Variants in LSAMP observed in about 807,000 individuals in gnomAD.
LSAMP encodes limbic system associated membrane protein.
Under a neutral mutation model 38.6 loss-of-function variants are expected in LSAMP, and 7 were observed. The observed-to-expected ratio is 0.18, with a 90% CI of 0.10 to 0.34. The LOEUF is 0.34. Ranked by LOEUF, LSAMP falls within the 10% of genes least tolerant of loss-of-function variation. The probability of loss-of-function intolerance (pLI) is 1.00; values close to 1 mark genes in which losing one functional copy is unlikely to be tolerated. For synonymous variants in LSAMP, 154 were observed against 166.8 expected (o/e 0.92, Z 0.59); for missense variants, 313 against 420.0 (o/e 0.75, Z 2.23).
At chr3:116,399,351 C>T (rs773897882) in intron 1 of LSAMP, among the ~76,000 whole-genome samples, 38 of 152,020 alleles carry the variant, frequency 2.5e-4, no homozygotes, top group Non-Finnish European at 5.3e-4. Flanking sequence ...ATTGGAGGTG[C>T]TTTTAAAGAT....
intron 1 of LSAMP, among the ~76,000 whole-genome samples, chr3:116,276,668 GAAAAATAAAAA>G (rs2047056212): frequency 3.3e-5 from 4 of 120,016 alleles, no homozygotes; most frequent in African/African-American, 1.4e-4. Flanking sequence ...ATAACCTATG[GAAAAATAAAAA>G]AAAAGAAAAA....
intron 2 of LSAMP, among the ~76,000 whole-genome samples, chr3:116,038,930 A>G (rs1002958701): frequency 6.6e-6 from 1 of 152,214 alleles, no homozygotes; most frequent in African/African-American, 2.4e-5. Context: ...CAGCATTAGA[A>G]TACTTTGCAT....
intron 1 of LSAMP, among the ~76,000 whole-genome samples, chr3:116,307,279 C>T (rs1391748005): frequency 6.6e-6 from 1 of 151,924 alleles, no homozygotes; most frequent in Non-Finnish European, 1.5e-5. Flanking sequence ...AAGTTCACCT[C>T]TATTTGGGTT....
intron 1 of LSAMP, among the ~76,000 whole-genome samples, chr3:116,421,554 AAGAAG>A (rs750773918): frequency 0.054 from 6,388 of 118,154 alleles, 191 homozygotes; most frequent in Middle Eastern, 0.12. Flanking sequence ...AAAAAAAAAA[AAGAAG>A]AAGAAGAAGA....
intron 3 of LSAMP, among the ~76,000 whole-genome samples, chr3:115,961,458 T>C (rs898078778): frequency 6.6e-6 from 1 of 152,228 alleles, no homozygotes; most frequent in Non-Finnish European, 1.5e-5. Context: ...TTTTTGTGTT[T>C]GTTTTTTTCC....
intron 6 of LSAMP, among the ~76,000 whole-genome samples, chr3:115,813,052 ATAT>A (rs1174040183): frequency 1.4e-4 from 22 of 152,254 alleles, no homozygotes; most frequent in South Asian, 1.2e-3. Flanking sequence ...ATATACACAC[ATAT>A]TATTGATCTT....
rs566050785 is a variant in LSAMP, at chr3:115,809,396, T to A, written c.*921A>T. The A allele has an allele frequency of 6.5e-6, 1 of 153,348 alleles. No homozygotes were observed. Among genetic ancestry groups the A allele is most frequent in the East Asian group, 1.9e-4 (1 of 5,210 alleles). The allele number at this position is 153,348 out of a possible 1,614,324, so 9.5% of individuals were successfully genotyped here. On this transcript the variant is annotated 3_prime_UTR_variant, in exon 7 of 7. Transcript: ENST00000490035. ...ACAGCCATGGATGTAGGGAGGACTC[T>A]GCTCCTTGCCTCTTTCCCCGCCATC...
intron 3 of LSAMP, among the ~76,000 whole-genome samples, chr3:115,854,452 T>C (rs1211163269): frequency 6.6e-6 from 1 of 151,602 alleles, no homozygotes; most frequent in Non-Finnish European, 1.5e-5. Flanking sequence ...CCGGCTAATT[T>C]TTTGTATTTT....
At chr3:115,969,277 A>C (rs1181026656) in intron 3 of LSAMP, among the ~76,000 whole-genome samples, 1 of 152,202 alleles carries the variant, frequency 6.6e-6, no homozygotes, top group East Asian at 1.9e-4. Flanking sequence ...TTCCCCTCAC[A>C]TGTATGTTTA....
intron 1 of LSAMP, among the ~76,000 whole-genome samples, chr3:116,121,829 A>G (rs926802293): frequency 2.6e-5 from 4 of 151,966 alleles, no homozygotes; most frequent in African/African-American, 9.7e-5. Context: ...ATGGCTTTGA[A>G]TGTGGCCCAA....
At chr3:115,886,587 G>A (rs1356579586) in intron 3 of LSAMP, among the ~76,000 whole-genome samples, 2 of 152,000 alleles carry the variant, frequency 1.3e-5, no homozygotes, top group East Asian at 3.9e-4. Flanking sequence ...TTTATTCCTA[G>A]GTTTTCCCTA....
chr3:116,326,619 C>T (rs922853868), intron 1 of LSAMP, among the ~76,000 whole-genome samples: 12 of 152,134 alleles, frequency 7.9e-5, no homozygotes, highest in African/African-American at 2.4e-4. Context: ...CCCTATTTTG[C>T]GTCTTCCTCA....
intron 1 of LSAMP, among the ~76,000 whole-genome samples, chr3:116,203,562 A>G (rs1353914186): frequency 1.3e-5 from 1 of 79,054 alleles, no homozygotes; most frequent in South Asian, 4.9e-4. Flanking sequence ...CCCCCACCCC[A>G]CCACAGTCCC....
intron 6 of LSAMP, among the ~76,000 whole-genome samples, chr3:115,826,696 A>T (rs992563111): frequency 6.6e-6 from 1 of 152,204 alleles, no homozygotes; most frequent in Non-Finnish European, 1.5e-5. Flanking sequence ...GATATTGTGC[A>T]TGTCAAATTA....
chr3:115,812,305 A>G (rs2107449348), intron 6 of LSAMP, among the ~76,000 whole-genome samples: 1 of 152,332 alleles, frequency 6.6e-6, no homozygotes. Flanking sequence ...TTATAGGATC[A>G]TATTAACAAA....
intron 2 of LSAMP, among the ~76,000 whole-genome samples, chr3:116,066,803 T>A (rs1707457440): frequency 6.6e-6 from 1 of 152,218 alleles, no homozygotes; most frequent in Non-Finnish European, 1.5e-5. Context: ...CTGTCACTGT[T>A]CCTAAGACCA....
intron 4 of LSAMP, among the ~76,000 whole-genome samples, chr3:115,842,861 A>G (rs1359037862): frequency 6.6e-6 from 1 of 152,248 alleles, no homozygotes; most frequent in Non-Finnish European, 1.5e-5. Flanking sequence ...TCCCTCCTCC[A>G]GTAGGTCATG....
intron 3 of LSAMP, among the ~76,000 whole-genome samples, chr3:115,869,739 A>C (rs544178325): frequency 2.6e-5 from 4 of 152,218 alleles, no homozygotes; most frequent in Non-Finnish European, 5.9e-5. Context: ...AACATTTTCT[A>C]TGTCTGGTGA....
rs141827370 is a variant in LSAMP, at chr3:116,402,970, C to T, written c.155+41907G>A. Among the ~76,000 whole-genome samples, 417 of 152,240 alleles carry T rather than the reference C, an allele frequency of 2.7e-3. 2 individuals are homozygous for T. The highest frequency in any genetic ancestry group is 9.5e-3 in the African/African-American group (396 of 41,550). ...CACCTATGTTTCAAGTGGAAGCTGC[C>T]AAATTCCCTAGGTTTCTGGACTCAA... On this transcript the variant is annotated intron_variant, in intron 1 of 6. Transcript: ENST00000490035.
Sources: gnomAD v4.1 joint callset for allele counts (sites outside exome capture counted in the v4.1 genomes callset) on GRCh38, gnomAD v4.1.1 for gene constraint, MANE v1.5 for transcripts, NCBI Gene and HGNC (gene_info 2026-07-23, HGNC 2026-07-21) for gene names.